The following ANK3 variants were observed in gnomAD, a reference collection of about 807,000 sequenced individuals.
ANK3 encodes ankyrin-3.
A neutral mutation model predicts 370.9 loss-of-function variants in ANK3; 57 were observed. The observed-to-expected ratio is 0.15, with a 90% confidence interval of 0.12 to 0.19. The LOEUF (loss-of-function observed/expected upper bound fraction) is 0.19, where lower values mean the gene tolerates loss of function less well. Among genes scored for constraint, ANK3 ranks in the 10% least tolerant of loss-of-function variants. The pLI is 1.00. For synonymous variants in ANK3, 1,929 were observed against 1,946.3 expected, an observed-to-expected ratio of 0.99 and a Z score of 0.23; for missense variants, 4,439 against 5,302.1, an observed-to-expected ratio of 0.84 and a Z score of 5.06.
At chr10:60,706,388 T>C (rs901753827) in intron 1 of ANK3, among the ~76,000 whole-genome samples, 2 of 152,054 alleles carry the variant, frequency 1.3e-5, no homozygotes, top group Non-Finnish European at 2.9e-5. Flanking sequence ...GCCGGAGAGA[T>C]GTCAGCCCCA....
At chr10:60,725,882 G>T (rs1452426014) in intron 1 of ANK3, among the ~76,000 whole-genome samples, 3 of 152,070 alleles carry the variant, frequency 2.0e-5, no homozygotes, top group Non-Finnish European at 4.4e-5. Context: ...AACTGAAACA[G>T]AATGGGGAAA....
At chr10:60,732,865 G>A (rs971139399) in intron 1 of ANK3, among the ~76,000 whole-genome samples, 3 of 151,910 alleles carry the variant, frequency 2.0e-5, no homozygotes, top group African/African-American at 7.3e-5. Context: ...CTGGCACGGA[G>A]TTGGAGGGGC....
intron 36 of ANK3, among the ~76,000 whole-genome samples, chr10:60,078,692 C>A (rs547346311): frequency 3.9e-5 from 6 of 152,234 alleles, no homozygotes; most frequent in African/African-American, 1.4e-4. Flanking sequence ...AATCCAGAAT[C>A]TTTTTCCTGG....
chr10:60,216,894 C>A (rs536111888), intron 8 of ANK3, among the ~76,000 whole-genome samples: 43 of 152,050 alleles, frequency 2.8e-4, no homozygotes, highest in African/African-American at 1.0e-3. Flanking sequence ...CCATCTGGGG[C>A]CTGGGCTTTT....
chr10:60,681,354 G>A (rs529306100), intron 1 of ANK3, among the ~76,000 whole-genome samples: 1 of 152,294 alleles, frequency 6.6e-6, no homozygotes, highest in South Asian at 2.1e-4. Context: ...TTCCTGAGGT[G>A]CCCTTGCGAA....
At chr10:60,399,925 C>T (rs2063320846) in intron 2 of ANK3, among the ~76,000 whole-genome samples, 2 of 151,768 alleles carry the variant, frequency 1.3e-5, no homozygotes, top group South Asian at 4.2e-4. Flanking sequence ...ACCGAGTGTC[C>T]GTTGCATTAG....
intron 25 of ANK3, among the ~76,000 whole-genome samples, chr10:60,128,331 C>G (rs2093879085): frequency 2.0e-5 from 3 of 151,914 alleles, no homozygotes. Flanking sequence ...CAAGCTGTGT[C>G]CCCGGGGGTG....
At chr10:60,121,690 CAA>C (rs56258116) in intron 25 of ANK3, among the ~76,000 whole-genome samples, 45,524 of 142,194 alleles carry the variant, frequency 0.32, 7,969 homozygotes, top group East Asian at 0.65. Context: ...GACCCTTTCT[CAA>C]AAAAAAAAAA....
At chr10:60,298,165 T>G (rs1406816046) in intron 1 of ANK3, among the ~76,000 whole-genome samples, 1 of 152,170 alleles carries the variant, frequency 6.6e-6, no homozygotes, top group Non-Finnish European at 1.5e-5. Context: ...CATTTGGGCT[T>G]TGTTCAATAT....
chr10:60,481,407 C>T lies in ANK3; in HGVS notation c.96+133779G>A, dbSNP rs115141559. Among the ~76,000 whole-genome samples the T allele has an allele frequency of 3.6e-3, 554 of 152,196 alleles. 2 individuals are homozygous for T. The highest frequency in any genetic ancestry group is 0.012 in the African/African-American group (516 of 41,532). ...AGCCTTACATTCTGCTGCCTGGCAG[C>T]AGCAGAATGGAATTGAGCAAAATTC... On this transcript the variant is annotated intron_variant, in intron 2 of 43. Coordinates refer to the ANK3 transcript ENST00000373827.
intron 25 of ANK3, among the ~76,000 whole-genome samples, chr10:60,120,620 GAA>G (rs112020509): frequency 1.3e-5 from 2 of 149,900 alleles, no homozygotes; most frequent in African/African-American, 2.5e-5. Flanking sequence ...ACTCTCTAAG[GAA>G]AAAAAAAATC....
chr10:60,221,597 C>T (rs549596490), intron 8 of ANK3, among the ~76,000 whole-genome samples: 2 of 152,180 alleles, frequency 1.3e-5, no homozygotes, highest in Admixed American at 1.3e-4. Flanking sequence ...ATTATTATAT[C>T]CTCATGATTA....
At chr10:60,300,587 T>TC in intron 1 of ANK3, 1 of 1,141,226 alleles carries the variant, frequency 8.8e-7, no homozygotes, top group Non-Finnish European at 1.1e-6. Flanking sequence ...CTCCCAGAAT[T>TC]CCCCACGACT....
rs546232630 is a variant in ANK3 at position 60,038,374 on chromosome 10, G to A, written c.*19+4298C>T. ...ATTGTGCTACTGCACTCCAGCCTGGGCAACAGGTGAGACTGTCTCAAAAAT... is the reference window on the plus strand; with the variant it reads ...ATTGTGCTACTGCACTCCAGCCTGGACAACAGGTGAGACTGTCTCAAAAAT... On this transcript the variant is annotated intron_variant, in intron 43 of 43. Transcript: ENST00000280772. Among the ~76,000 whole-genome samples the A allele has an allele frequency of 3.2e-4, 48 of 152,330 alleles. No homozygotes were observed. The South Asian group carries it at 9.7e-3, about 31-fold the overall frequency.
At chr10:60,060,297 T>C in intron 40 of ANK3, 1 of 204,782 alleles carries the variant, frequency 4.9e-6, no homozygotes. Context: ...ACTAAATATA[T>C]AAAGTTTATA....
chr10:60,201,900 G>A (rs1321699474), intron 12 of ANK3, among the ~76,000 whole-genome samples: 2 of 151,786 alleles, frequency 1.3e-5, no homozygotes, highest in Non-Finnish European at 2.9e-5. Context: ...ATTTTTAGTA[G>A]AGACAGGTTT....
At chr10:60,315,637 A>G (rs913006546) in intron 1 of ANK3, among the ~76,000 whole-genome samples, 1 of 152,160 alleles carries the variant, frequency 6.6e-6, no homozygotes, top group Non-Finnish European at 1.5e-5. Context: ...TGTGGAGAGA[A>G]TGTTTTGGTA....
At chr10:60,415,915 TG>T (rs2063652756) in intron 2 of ANK3, among the ~76,000 whole-genome samples, 1 of 94,730 alleles carries the variant, frequency 1.1e-5, no homozygotes, top group African/African-American at 4.0e-5. Flanking sequence ...TCTGAATTTG[TG>T]CCCCCCACCC....
At chr10:60,240,006 AATATATACAC>A (rs879489497) in intron 7 of ANK3, among the ~76,000 whole-genome samples, 13,991 of 32,500 alleles carry the variant, frequency 0.43, 924 homozygotes, top group Admixed American at 0.49. Flanking sequence ...TGTATGTGTG[AATATATACAC>A]ATATATACAC....
Sources: allele counts gnomAD v4.1 joint callset (sites outside exome capture counted in the v4.1 genomes callset), GRCh38; gene constraint gnomAD v4.1.1; transcripts MANE v1.5; gene names NCBI Gene and HGNC (gene_info 2026-07-23, HGNC 2026-07-21).